LYST: variants seen among roughly 807,000 people sequenced by gnomAD.
The protein encoded by LYST is lysosomal trafficking regulator, also known as lysosomal-trafficking regulator.
A neutral mutation model predicts 413.6 loss-of-function variants in LYST; 192 were observed. The ratio of observed to expected loss-of-function variants is 0.46; its 90% CI spans 0.41 to 0.52. The LOEUF (loss-of-function observed/expected upper bound fraction) is 0.52. LYST is among the 20% of genes least tolerant of loss of function. The pLI, the probability that LYST is intolerant of heterozygous loss-of-function variation, is 0.00. For missense variants in LYST, 3,815 were observed against 4,499.9 expected, an observed-to-expected ratio of 0.85 and a Z score of 4.35; for synonymous variants, 1,525 against 1,567.3, an observed-to-expected ratio of 0.97 and a Z score of 0.64.
intron 20 of LYST, among the ~76,000 whole-genome samples, chr1:235,768,164 T>C (rs574318289): frequency 6.6e-6 from 1 of 152,272 alleles, no homozygotes; most frequent in East Asian, 1.9e-4. Flanking sequence ...TAATTTCAAA[T>C]GTAGATACAA....
chr1:235,752,044 G>A lies in LYST; in HGVS notation c.7588C>T (p.Leu2530Phe). 1 of 1,610,596 alleles carries A rather than the reference G, an allele frequency of 6.2e-7. No individual in the cohort carries two copies. Among genetic ancestry groups the A allele is most frequent in the South Asian group, 1.1e-5 (1 of 90,912 alleles). Residue 2530 changes from leucine (L) to phenylalanine (F), a missense_variant, in exon 27 of 53, where the codon CTT becomes TTT. Leu to Phe is a conservative substitution (Grantham distance 22). Around this residue, in one of 4 missense-constraint regions of LYST, gnomAD observed 771 missense variants for 837.1 expected, o/e 0.92. Transcript: ENST00000389793. ...FRVIEDLIVM[L>F]GYLQNSKNKR... ...TTTTTGCTATTTTGAAGATATCCAA[G>A]CATTACAATAAGGTCTTCAATAACC...
At chr1:235,677,682 T>C in intron 48 of LYST, 63 bp from the exon 49 acceptor site, 1 of 1,315,030 alleles carries the variant, frequency 7.6e-7, no homozygotes, top group African/African-American at 1.4e-5. Context: ...GTATAGTATC[T>C]CAAAAATAAA....
intron 39 of LYST, among the ~76,000 whole-genome samples, chr1:235,723,782 A>ATG (rs1457924877): frequency 7.9e-5 from 12 of 152,182 alleles, no homozygotes; most frequent in Non-Finnish European, 1.2e-4. Context: ...TTTGTCAAAG[A>ATG]TGGACCCTGC....
At chr1:235,675,993 A>C (rs1659351781) in intron 50 of LYST, among the ~76,000 whole-genome samples, 1 of 152,242 alleles carries the variant, frequency 6.6e-6, no homozygotes, top group Non-Finnish European at 1.5e-5. Context: ...AGAAAGAAGC[A>C]AACAGTTTTT....
upstream of LYST, among the ~76,000 whole-genome samples, chr1:235,870,487 C>T (rs929033345): frequency 2.0e-5 from 3 of 152,212 alleles, no homozygotes; most frequent in African/African-American, 4.8e-5. Flanking sequence ...TGTGGCTGCG[C>T]GGGAGTCTCT....
upstream of LYST, among the ~76,000 whole-genome samples, chr1:235,868,934 A>C (rs1465109475): frequency 6.6e-6 from 1 of 152,002 alleles, no homozygotes; most frequent in Non-Finnish European, 1.5e-5. Flanking sequence ...ACCTCAGGTG[A>C]TCCACCCACC....
intron 14 of LYST, among the ~76,000 whole-genome samples, chr1:235,786,393 C>A (rs1002844630): frequency 6.6e-6 from 1 of 152,108 alleles, no homozygotes; most frequent in Non-Finnish European, 1.5e-5. Flanking sequence ...AAAAAGTCAG[C>A]AAACAACAGG....
At chr1:235,698,535 GT>G (rs34381644) in intron 45 of LYST, among the ~76,000 whole-genome samples, 60 of 152,146 alleles carry the variant, frequency 3.9e-4, no homozygotes, top group Non-Finnish European at 7.5e-4. Flanking sequence ...GTCTAACAGT[GT>G]TTTTTTGTGG....
At chr1:235,702,084 G>A (rs1661595774) in intron 45 of LYST, among the ~76,000 whole-genome samples, 1 of 152,154 alleles carries the variant, frequency 6.6e-6, no homozygotes, top group Non-Finnish European at 1.5e-5. Context: ...CATTTTCTGT[G>A]ATTTCCTTCT....
intron 3 of LYST, among the ~76,000 whole-genome samples, chr1:235,826,421 T>C (rs114228389): frequency 0.021 from 3,230 of 152,252 alleles, 120 homozygotes; most frequent in African/African-American, 0.074. Flanking sequence ...AGTACACCCA[T>C]ACAATGAAAT....
rs1261733467 is a variant in LYST, at chr1:235,662,817, T to C, written c.*123A>G. ...GAATTTTGTGCAGATGAATAGACTT[T>C]ATCATTATTTGGATGGTTTGTCCAG... On this transcript the variant is annotated 3_prime_UTR_variant, in exon 53 of 53. Coordinates refer to ENST00000389793, the MANE Select transcript of LYST (RefSeq NM_000081.4). 2 of 772,692 alleles carry C rather than the reference T, an allele frequency of 2.6e-6. No individual in the cohort carries two copies. The highest frequency in any genetic ancestry group is 4.8e-6 in the Non-Finnish European group (2 of 419,678). 47.9% of individuals were successfully genotyped at this position (772,692 alleles called of 1,614,324 possible). A position where few individuals can be genotyped will look rare whatever the true frequency, so the allele number is the denominator to read the frequency against.
At chr1:235,865,237 T>C (rs1680369458) in intron 1 of LYST, among the ~76,000 whole-genome samples, 1 of 152,168 alleles carries the variant, frequency 6.6e-6, no homozygotes, top group South Asian at 2.1e-4. Flanking sequence ...TGGTCTTGGC[T>C]CAAATGATAT....
chr1:235,879,193 C>T (rs1681264891), intron 1 of LYST, among the ~76,000 whole-genome samples: 1 of 152,194 alleles, frequency 6.6e-6, no homozygotes, highest in African/African-American at 2.4e-5. Context: ...TTGAAGACAA[C>T]TATGAGGTGA....
intron 26 of LYST, 141 bp from the exon 27 acceptor site, chr1:235,752,312 T>C: frequency 1.6e-6 from 1 of 629,642 alleles, no homozygotes; most frequent in East Asian, 2.8e-5. Context: ...CAGTATTTAT[T>C]CATGCTTATT....
rs913767220 is a variant in LYST, at chr1:235,802,976, A to G, written c.3644T>C (p.Leu1215Ser). Residue 1215 changes from leucine to serine, a missense_variant, in exon 8 of 53, where the codon TTA becomes TCA. Physicochemically the swap from Leu to Ser is moderately radical, Grantham distance 145. Transcript: ENST00000389793. ...EDSQCCSFKL[L>S]VEEEGYEADS... ...TGCTTCGTAACCTTCTTCTTCAACT[A>G]AAAGTTTAAAACTACAACACTGAGA... 1.9e-6 allele frequency: 3 copies of G among 1,613,416 alleles called. No individual in the cohort carries two copies. The highest frequency in any genetic ancestry group is 2.7e-5 in the African/African-American group (2 of 74,910).
At chr1:235,760,977 G>C (rs1352057370) in intron 22 of LYST, among the ~76,000 whole-genome samples, 1 of 152,180 alleles carries the variant, frequency 6.6e-6, no homozygotes, top group Non-Finnish European at 1.5e-5. Flanking sequence ...AAAAAGGCCA[G>C]GTGCAGTGGC....
rs929526989 is a variant in LYST at position 235,800,367 on chromosome 1, A to G, written c.3959T>C (p.Leu1320Ser). 1 of 1,592,058 alleles carries G rather than the reference A, an allele frequency of 6.3e-7. No individual in the cohort carries two copies. Among genetic ancestry groups the G allele is most frequent in the Non-Finnish European group, 8.6e-7 (1 of 1,160,120 alleles). The change falls in exon 10 of 53, where the codon TTA becomes TCA. Residue 1320 changes from leucine to serine, a missense_variant. Physicochemically the swap from Leu to Ser is moderately radical, Grantham distance 145. This residue lies in a region of LYST where 1,648 missense variants were observed against 1,810.3 expected (regional missense o/e 0.91). Transcript: ENST00000389793. ...TGTTAAAATACTCAAGAACCCTCCTAAAAGATTTTTCACAGTTCCCTGAAG... is the reference window on the plus strand; with the variant it reads ...TGTTAAAATACTCAAGAACCCTCCTGAAAGATTTTTCACAGTTCCCTGAAG... ...LMQQGTVKNL[L>S]GGFLSILTQD...
chr1:235,769,748 T>C (rs1668476428), intron 20 of LYST, among the ~76,000 whole-genome samples: 1 of 152,146 alleles, frequency 6.6e-6, no homozygotes, highest in Non-Finnish European at 1.5e-5. Flanking sequence ...CAGTTTAAAA[T>C]GCTAATTCTA....
intron 34 of LYST, among the ~76,000 whole-genome samples, chr1:235,732,898 TAA>T (rs1162262561): frequency 1.3e-5 from 2 of 152,224 alleles, no homozygotes; most frequent in Non-Finnish European, 1.5e-5. Context: ...TTATGGTTGT[TAA>T]ATACACTGGA....
Sources: gnomAD v4.1 joint callset for allele counts (sites outside exome capture counted in the v4.1 genomes callset) on GRCh38, gnomAD v4.1.1 for gene constraint, gnomAD v4.1.1 regional missense constraint, MANE v1.5 for transcripts, NCBI Gene and HGNC (gene_info 2026-07-23, HGNC 2026-07-21) for gene names.